The following IHH variants were observed in gnomAD, a reference collection of about 807,000 sequenced individuals.
IHH encodes Indian hedgehog signaling molecule, also known as indian hedgehog protein.
IHH carries 9 observed loss-of-function variants against 29.4 expected under a neutral mutation model. That is an observed-to-expected ratio of 0.31 (90% confidence interval 0.18 to 0.53). The LOEUF (loss-of-function observed/expected upper bound fraction) is 0.53. Among genes scored for constraint, IHH ranks in the 20% least tolerant of loss-of-function variants. The pLI is 0.95. For missense variants in IHH, 454 were observed against 578.1 expected, an observed-to-expected ratio of 0.79 and a Z score of 2.20; for synonymous variants, 254 against 252.7, an observed-to-expected ratio of 1.01 and a Z score of -0.05.
chr2:219,055,279 G>C lies in IHH; in HGVS notation c.1164C>G (p.Leu388=). 2.5e-6 allele frequency: 4 copies of C among 1,611,564 alleles called. No homozygotes were observed. The highest frequency in any genetic ancestry group is 1.7e-4 in the Middle Eastern group (1 of 6,058). ...GEGVHWYPQL[L]YRLGRLLLEE... ...CTAGCAGGAGACGCCCCAGGCGGTA[G>C]AGCAGCTGGGGGTACCAATGCACAC... is the stretch of plus-strand genomic sequence containing the variant. The change falls in exon 3 of 3, where the codon CTC becomes CTG. Residue 388 remains leucine (L), a synonymous_variant. Transcript: ENST00000295731.
intron 1 of IHH, 118 bp from the exon 2 acceptor site, chr2:219,057,812 AAGCCCGGGAG>A: frequency 1.4e-5 from 20 of 1,408,670 alleles, no homozygotes; most frequent in Admixed American, 3.7e-5. Context: ...AGGGAGCTGG[AAGCCCGGGAG>A]GGTGCTGTCC....
chr2:219,056,380 CA>C (rs200812269), intron 2 of IHH, among the ~76,000 whole-genome samples: 3,060 of 152,294 alleles, frequency 0.02, 39 homozygotes, highest in Middle Eastern at 0.044. Context: ...AGGGGCAGGC[CA>C]GGGGCGAGGA....
chr2:219,055,977 G>C (rs1432879234), intron 2 of IHH, 112 bp from the exon 3 acceptor site: 2 of 1,187,172 alleles, frequency 1.7e-6, no homozygotes, highest in Non-Finnish European at 2.4e-6. Context: ...CTCCCAGAGA[G>C]CCCCCGTCAC....
At position 219,059,619 on chromosome 2, in the gene IHH, C is replaced by T. The variant is rs1418924503; in HGVS notation, c.315+534G>A. On this transcript the variant is annotated intron_variant, in intron 1 of 2. Coordinates refer to ENST00000295731, the MANE Select transcript of IHH (RefSeq NM_002181.4). This position sits in a 1 kb window ranked among gnomAD's most constrained non-coding sequence, Gnocchi z 4.7. ...TCCGCCTCCCGATTCAACTCTTCCT[C>T]GCTGTTCTTAACCCCAGACCCAGCC... is the stretch of plus-strand genomic sequence containing the variant. Among the ~76,000 whole-genome samples the T allele has an allele frequency of 6.6e-6, 1 of 152,196 alleles. No individual in the cohort carries two copies. Among genetic ancestry groups the T allele is most frequent in the East Asian group, 1.9e-4 (1 of 5,190 alleles).
In IHH at chr2:219,055,771, C is replaced by G. The variant is rs369651063; in HGVS notation, c.672G>C (p.Arg224Ser). ...SGARVALSAV[R>S]PGDRVLAMGE... ...CCATGGCCAGCACACGGTCTCCCGGCCTCACGGCTGACAAGGCCACACGCG... is the reference window on the plus strand; with the variant it reads ...CCATGGCCAGCACACGGTCTCCCGGGCTCACGGCTGACAAGGCCACACGCG... Residue 224 changes from arginine (R) to serine (S), a missense_variant, in exon 3 of 3, where the codon AGG (arginine) becomes AGC (serine). Coordinates refer to ENST00000295731, the MANE Select transcript of IHH (RefSeq NM_002181.4). The G allele has an allele frequency of 8.1e-5, 131 of 1,613,494 alleles. No homozygotes were observed. Among genetic ancestry groups the G allele is most frequent in the Non-Finnish European group, 1.0e-4 (122 of 1,179,988 alleles).
Position 219,057,473 on chromosome 2 carries a change from A to G in IHH, c.537T>C (p.Tyr179=), listed in dbSNP as rs1433124461. The G allele has an allele frequency of 1.9e-6, 3 of 1,606,666 alleles. No homozygotes were observed. Among genetic ancestry groups the G allele is most frequent in the Non-Finnish European group, 2.5e-6 (3 of 1,176,816 alleles). The change falls in exon 2 of 3, where the codon TAT becomes TAC. Residue 179 remains tyrosine, a synonymous_variant. Transcript: ENST00000295731. ...LAVEAGFDWV[Y]YESKAHVHCS... is the part of the protein sequence containing the mutation. The stretch of plus-strand genomic sequence containing the variant: ...AATGCACGTGGGCCTTTGACTCGTA[A>G]TACACCCAGTCAAAGCCGGCCTCCA...
intron 1 of IHH, 28 bp from the exon 2 acceptor site, chr2:219,057,722 C>T: frequency 2.5e-6 from 4 of 1,601,404 alleles, no homozygotes; most frequent in Non-Finnish European, 2.5e-6. Flanking sequence ...GCGAAATCAA[C>T]CAGAGCGAAA....
rs2106310829 is a variant in IHH at position 219,060,511 on chromosome 2, G to A, written c.-44C>T. ...AGCGGCGGGCGAGGTCTCCTGGTGG[G>A]CTGATGGGCAGGCGCGTCGACGGGA... On this transcript the variant is annotated 5_prime_UTR_variant, in exon 1 of 3. Coordinates refer to ENST00000295731, the MANE Select transcript of IHH (RefSeq NM_002181.4). This position sits in a 1 kb window ranked among gnomAD's most constrained non-coding sequence, Gnocchi z 8.8. 1 of 1,345,514 alleles carries A rather than the reference G, an allele frequency of 7.4e-7. No individual in the cohort carries two copies. The highest frequency in any genetic ancestry group is 9.6e-7 in the Non-Finnish European group (1 of 1,041,124). The allele number at this position is 1,345,514 out of a possible 1,614,324, so 83.3% of individuals were successfully genotyped here.
At position 219,055,855 on chromosome 2, in the gene IHH, G is replaced by A. The variant is rs770515682; in HGVS notation, c.588C>T (p.Ala196=). The change falls in exon 3 of 3, where the codon GCC becomes GCT. Residue 196 remains alanine (A), a synonymous_variant. Coordinates refer to ENST00000295731, the MANE Select transcript of IHH (RefSeq NM_002181.4). ...GGAAGCAGCCGCCCGTCTTGGCTGCGGCCGAGTGCTCTGTGGGAGAAAGGG... is the reference window on the plus strand; with the variant it reads ...GGAAGCAGCCGCCCGTCTTGGCTGCAGCCGAGTGCTCTGTGGGAGAAAGGG... ...VHCSVKSEHS[A]AAKTGGCFPA... 2.1e-5 allele frequency: 34 copies of A among 1,607,474 alleles called. No individual in the cohort carries two copies. In the East Asian group the frequency reaches 2.2e-4, roughly 11 times the overall value.
chr2:219,058,994 C>T (rs554018828), intron 1 of IHH, among the ~76,000 whole-genome samples: 1 of 152,198 alleles, frequency 6.6e-6, no homozygotes, highest in Admixed American at 6.5e-5. Flanking sequence ...AGCCCCGCAC[C>T]TATGCCCGCC....
In IHH at chr2:219,055,590, C is replaced by T; in HGVS notation, c.853G>A (p.Glu285Lys). ...HLLFTADNHTEPAARFRATFA... is the reference protein window; with the variant it reads ...HLLFTADNHTKPAARFRATFA... ...GTGGCCCGGAAGCGGGCTGCCGGCT[C>T]CGTGTGATTGTCAGCCGTAAAGAGC... is the stretch of plus-strand genomic sequence containing the variant. Residue 285 changes from glutamate to lysine, a missense_variant, in exon 3 of 3, where the codon GAG becomes AAG. Glu to Lys is a moderately conservative substitution (Grantham distance 56). This residue lies in a region of IHH where 271 missense variants were observed against 315.9 expected (regional missense o/e 0.86). Coordinates refer to ENST00000295731, the MANE Select transcript of IHH (RefSeq NM_002181.4). The T allele has an allele frequency of 1.2e-6, 2 of 1,613,722 alleles. No individual in the cohort carries two copies. Among genetic ancestry groups the T allele is most frequent in the Non-Finnish European group, 1.7e-6 (2 of 1,179,950 alleles).
rs1948820386 is a variant in IHH at position 219,055,364 on chromosome 2, G to A, written c.1079C>T (p.Ala360Val). 1.2e-6 allele frequency: 2 copies of A among 1,613,240 alleles called. No homozygotes were observed. Among genetic ancestry groups the A allele is most frequent in the Non-Finnish European group, 1.7e-6 (2 of 1,180,026 alleles). Reference protein sequence around the residue: ...AVADHHLAQLAFWPLRLFHSL... With the variant: ...AVADHHLAQLVFWPLRLFHSL... The stretch of plus-strand genomic sequence containing the variant: ...GTGAAAGAGTCTCAGGGGCCAGAAG[G>A]CCAACTGAGCCAGGTGGTGGTCAGC... The change falls in exon 3 of 3, where the codon GCC becomes GTC. Residue 360 changes from alanine (A) to valine (V), a missense_variant. Physicochemically the swap from Ala to Val is moderately conservative, Grantham distance 64. Coordinates refer to ENST00000295731, the MANE Select transcript of IHH (RefSeq NM_002181.4).
rs1413710978 is a variant in IHH at position 219,054,466 on chromosome 2, C to G, written c.*741G>C. The G allele has an allele frequency of 6.6e-6, 1 of 152,622 alleles. No homozygotes were observed. Among genetic ancestry groups the G allele is most frequent in the Non-Finnish European group, 1.5e-5 (1 of 68,084 alleles). 9.5% of individuals were successfully genotyped at this position (152,622 alleles called of 1,614,324 possible). The stretch of plus-strand genomic sequence containing the variant: ...TTTTTATTACAAAAGGAAGAAAAGA[C>G]CAAAACATCCCCAAAATTCTCCCAT... On this transcript the variant is annotated 3_prime_UTR_variant, in exon 3 of 3. Coordinates refer to ENST00000295731, the MANE Select transcript of IHH (RefSeq NM_002181.4).
intron 1 of IHH, chr2:219,058,801 A>C (rs1574688288): frequency 6.4e-6 from 1 of 155,232 alleles, no homozygotes; most frequent in Middle Eastern, 5.2e-4. Context: ...CCAAGTCTCA[A>C]CCTACCCCCA....
rs1948865971 is a variant in IHH at position 219,059,945 on chromosome 2, T to TAGA, written c.315+207_315+208insTCT. On this transcript the variant is annotated intron_variant, in intron 1 of 2. Coordinates refer to ENST00000295731, the MANE Select transcript of IHH (RefSeq NM_002181.4). This position sits in a 1 kb window ranked among gnomAD's most constrained non-coding sequence, Gnocchi z 4.7. ...GGGGCTTGGCAGCGGGGAGCTCTTCTAGCAGTCTCCTCCGGGCTTGGGGAT... is the reference window on the plus strand; with the variant it reads ...GGGGCTTGGCAGCGGGGAGCTCTTCTAGAAGCAGTCTCCTCCGGGCTTGGGGAT... Among the ~76,000 whole-genome samples the TAGA allele has an allele frequency of 6.6e-6, 1 of 152,080 alleles. No individual in the cohort carries two copies. Among genetic ancestry groups the TAGA allele is most frequent in the African/African-American group, 2.4e-5 (1 of 41,402 alleles).
chr2:219,055,635 C>T lies in IHH; in HGVS notation c.808G>A (p.Ala270Thr), dbSNP rs2106307241. The change falls in exon 3 of 3, where the codon GCA becomes ACA. Residue 270 changes from alanine (A) to threonine (T), a missense_variant. Coordinates refer to ENST00000295731, the MANE Select transcript of IHH (RefSeq NM_002181.4). ...AAGAGCAGGTGAGCGGGTGTGAGTG[C>T]CAGGCGGCGTGGGGGGTCCTGAGTC... is the stretch of plus-strand genomic sequence containing the variant. ...IETQDPPRRLALTPAHLLFTA... is the reference protein window; with the variant it reads ...IETQDPPRRLTLTPAHLLFTA... 5.0e-6 allele frequency: 8 copies of T among 1,614,030 alleles called. No individual in the cohort carries two copies. The highest frequency in any genetic ancestry group is 1.7e-5 in the Admixed American group (1 of 60,024).
chr2:219,059,500 C>A lies in IHH; in HGVS notation c.315+653G>T, dbSNP rs1341698637. Among the ~76,000 whole-genome samples the A allele has an allele frequency of 6.6e-6, 1 of 152,122 alleles. No homozygotes were observed. The highest frequency in any genetic ancestry group is 2.1e-4 in the South Asian group (1 of 4,826). ...ATCCCCTAAGCTCAGTCCCAGAGCC[C>A]GAAGGCCCCAATAACCCACCCTTCC... On this transcript the variant is annotated intron_variant, in intron 1 of 2. Transcript: ENST00000295731. This position sits in a 1 kb window ranked among gnomAD's most constrained non-coding sequence, Gnocchi z 4.7.
Position 219,060,442 on chromosome 2 carries a change from C to T in IHH, c.26G>A (p.Arg9Gln), listed in dbSNP as rs751093402. 8.9e-6 allele frequency: 14 copies of T among 1,564,916 alleles called. No individual in the cohort carries two copies. Among genetic ancestry groups the T allele is most frequent in the South Asian group, 1.1e-5 (1 of 87,872 alleles). Reference protein sequence around the residue: MSPARLRPRLHFCLVLLLL... With the variant: MSPARLRPQLHFCLVLLLL... ...CAACAGGACCAGGCAGAAGTGCAGT[C>T]GGGGCCGGAGCCGGGCGGGAGACAT... is the stretch of plus-strand genomic sequence containing the variant. The change falls in exon 1 of 3, where the codon CGA (arginine) becomes CAA (glutamine). Residue 9 changes from arginine to glutamine, a missense_variant. By Grantham distance (43) the Arg-to-Gln change is conservative (BLOSUM62 1). Coordinates refer to ENST00000295731, the MANE Select transcript of IHH (RefSeq NM_002181.4). This position sits in a 1 kb window ranked among gnomAD's most constrained non-coding sequence, Gnocchi z 8.8.
In IHH at chr2:219,060,718, G is replaced by T. The variant is rs541027099; in HGVS notation, c.-251C>A. Among the ~76,000 whole-genome samples, 2,009 of 150,392 alleles carry T rather than the reference G, an allele frequency of 0.013. 25 individuals are homozygous for T. The highest frequency in any genetic ancestry group is 0.021 in the Admixed American group (324 of 15,128). On this transcript the variant is annotated 5_prime_UTR_variant, in exon 1 of 3. Coordinates refer to ENST00000295731, the MANE Select transcript of IHH (RefSeq NM_002181.4). This position sits in a 1 kb window ranked among gnomAD's most constrained non-coding sequence, Gnocchi z 8.8. Reference sequence around the variant, plus strand: ...CTCTGAGCTGCCGGGCTCGCCGGCCGCCAATAAATAGGCCGGCCCGTTTGT... The same window carrying T: ...CTCTGAGCTGCCGGGCTCGCCGGCCTCCAATAAATAGGCCGGCCCGTTTGT...
Sources: gnomAD v4.1 joint callset for allele counts (sites outside exome capture counted in the v4.1 genomes callset) on GRCh38, gnomAD v4.1.1 for gene constraint, gnomAD v4.1.1 regional missense constraint, Gnocchi (gnomAD v3.1) non-coding constraint, MANE v1.5 for transcripts, NCBI Gene and HGNC (gene_info 2026-07-23, HGNC 2026-07-21) for gene names.